Variants in ARHGAP44 observed in about 807,000 individuals in gnomAD.
ARHGAP44 encodes rho GTPase-activating protein 44.
In ARHGAP44, 43 loss-of-function variants were observed where a neutral mutation model predicts 106.8. That is an observed-to-expected ratio of 0.40 (90% CI 0.32 to 0.52). The LOEUF is 0.52. Ranked by LOEUF, ARHGAP44 falls within the 20% of genes least tolerant of loss-of-function variation. The pLI is 0.48. For missense variants in ARHGAP44, 866 were observed against 1,050.5 expected, an observed-to-expected ratio of 0.82 and a Z score of 2.43; for synonymous variants, 439 against 410.3, an observed-to-expected ratio of 1.07 and a Z score of -0.85.
chr17:12,837,812 G>A (rs1276359917), intron 1 of ARHGAP44, among the ~76,000 whole-genome samples: 3 of 152,096 alleles, frequency 2.0e-5, no homozygotes, highest in African/African-American at 7.2e-5. Flanking sequence ...CTGGGTAGGG[G>A]TGGGAAATGG....
At chr17:12,908,344 G>A (rs1388461870) in intron 3 of ARHGAP44, among the ~76,000 whole-genome samples, 1 of 151,834 alleles carries the variant, frequency 6.6e-6, no homozygotes, top group Non-Finnish European at 1.5e-5. Context: ...TTACAGGCAT[G>A]CACCACCACA....
At chr17:12,864,956 G>A (rs908375010) in intron 1 of ARHGAP44, among the ~76,000 whole-genome samples, 3 of 152,112 alleles carry the variant, frequency 2.0e-5, no homozygotes, top group Admixed American at 6.6e-5. Flanking sequence ...AAAAAGATAC[G>A]AAACTTGGAG....
intron 20 of ARHGAP44, 106 bp from the exon 21 acceptor site, chr17:12,989,926 A>G: frequency 7.4e-6 from 11 of 1,481,502 alleles, no homozygotes; most frequent in Non-Finnish European, 1.0e-5. Flanking sequence ...CTATCCCTAG[A>G]ATAGCAGCAC....
At chr17:12,861,109 C>T (rs1328011309) in intron 1 of ARHGAP44, among the ~76,000 whole-genome samples, 1 of 151,930 alleles carries the variant, frequency 6.6e-6, no homozygotes, top group Non-Finnish European at 1.5e-5. Flanking sequence ...GCCCACCTCG[C>T]CCTCCCAAAG....
chr17:12,852,202 G>T (rs2035767630), intron 1 of ARHGAP44, among the ~76,000 whole-genome samples: 1 of 137,178 alleles, frequency 7.3e-6, no homozygotes, highest in Non-Finnish European at 1.6e-5. Context: ...AAAACGATAG[G>T]GAGGGTGGTT....
chr17:12,918,069 T>A (rs974261543), intron 5 of ARHGAP44, among the ~76,000 whole-genome samples: 3 of 152,202 alleles, frequency 2.0e-5, no homozygotes, highest in Non-Finnish European at 4.4e-5. Context: ...TCTCCTCGCT[T>A]GGAGCATTCA....
intron 1 of ARHGAP44, among the ~76,000 whole-genome samples, chr17:12,883,263 T>C (rs1314345551): frequency 6.6e-6 from 1 of 151,688 alleles, no homozygotes. Flanking sequence ...TATTTCCTAT[T>C]ATTATTTACC....
At chr17:12,955,743 T>A (rs1448618459) in intron 13 of ARHGAP44, 124 bp from the exon 14 acceptor site, 2 of 616,762 alleles carry the variant, frequency 3.2e-6, no homozygotes, top group African/African-American at 3.7e-5. Flanking sequence ...GTTCATTACA[T>A]TGCAGGTGCA....
chr17:12,812,793 T>TA (rs2034476823), intron 1 of ARHGAP44, among the ~76,000 whole-genome samples: 1 of 152,234 alleles, frequency 6.6e-6, no homozygotes, highest in African/African-American at 2.4e-5. Flanking sequence ...CTGCATTTCT[T>TA]ACTGAATGCA....
At chr17:12,808,406 T>A (rs1208882317) in intron 1 of ARHGAP44, among the ~76,000 whole-genome samples, 1 of 152,254 alleles carries the variant, frequency 6.6e-6, no homozygotes, top group Non-Finnish European at 1.5e-5. Flanking sequence ...TGCAGCAGAC[T>A]TCTGCCTGGA....
At chr17:12,929,175 C>T (rs577803416) in intron 7 of ARHGAP44, 129 bp downstream of exon 7, 42 of 809,150 alleles carry the variant, frequency 5.2e-5, no homozygotes, top group Non-Finnish European at 8.0e-5. Flanking sequence ...TCCCCAAGCC[C>T]GCCGGCTAGC....
chr17:12,898,652 A>G (rs1167481000), intron 3 of ARHGAP44, among the ~76,000 whole-genome samples: 3 of 152,210 alleles, frequency 2.0e-5, no homozygotes, highest in African/African-American at 7.2e-5. Context: ...ACATAACCAT[A>G]TCACAGGCAG....
At chr17:12,979,813 AGG>A (rs2143401316) in intron 18 of ARHGAP44, among the ~76,000 whole-genome samples, 1 of 152,286 alleles carries the variant, frequency 6.6e-6, no homozygotes, top group African/African-American at 2.4e-5. Flanking sequence ...AGGCATGAAA[AGG>A]GCATTGGCAG....
rs1349521078 is a variant in ARHGAP44 at position 12,802,949 on chromosome 17, ATATATATATATATATATATATT to A, written c.53+13060_53+13081del. On this transcript the variant is annotated intron_variant, in intron 1 of 20. Transcript: ENST00000379672. ...AATTTATATATATATATATATATAT[ATATATATATATATATATATATT>A]TTTTTTTTTTTTTTTTTTTGAGGCA... Among the ~76,000 whole-genome samples the A allele has an allele frequency of 8.1e-4, 14 of 17,212 alleles. 1 individual carries two copies. The South Asian group carries it at 0.027, about 34-fold the overall frequency. 11.3% of individuals were successfully genotyped at this position (17,212 alleles called of 152,430 possible).
At chr17:12,926,541 A>T (rs1206515735) in intron 6 of ARHGAP44, among the ~76,000 whole-genome samples, 1 of 138,606 alleles carries the variant, frequency 7.2e-6, no homozygotes, top group Non-Finnish European at 1.6e-5. Flanking sequence ...ATACATATAT[A>T]TTATATATAT....
At chr17:12,814,800 C>T (rs551927175) in intron 1 of ARHGAP44, among the ~76,000 whole-genome samples, 135 of 152,262 alleles carry the variant, frequency 8.9e-4, no homozygotes, top group Non-Finnish European at 1.5e-3. Flanking sequence ...CTTCTTATCT[C>T]CTGCTCCCTC....
At chr17:12,920,868 G>A (rs1158042339) in intron 6 of ARHGAP44, among the ~76,000 whole-genome samples, 4 of 152,114 alleles carry the variant, frequency 2.6e-5, no homozygotes, top group African/African-American at 7.2e-5. Context: ...AGTAGCAGGC[G>A]GGTGCCAAAG....
At chr17:12,888,662 TATTA>T (rs1376069355) in intron 1 of ARHGAP44, among the ~76,000 whole-genome samples, 4 of 152,296 alleles carry the variant, frequency 2.6e-5, no homozygotes, top group Admixed American at 2.0e-4. Flanking sequence ...AATTTAGTTC[TATTA>T]ATTATTGAGA....
At chr17:12,895,217 C>G (rs11656058) in intron 2 of ARHGAP44, among the ~76,000 whole-genome samples, 67,341 of 151,696 alleles carry the variant, frequency 0.44, 17,376 homozygotes, top group Non-Finnish European at 0.57. Flanking sequence ...TAAAACTGCT[C>G]CAGCTGCTCC....
Sources: gnomAD v4.1 joint callset for allele counts (sites outside exome capture counted in the v4.1 genomes callset) on GRCh38, gnomAD v4.1.1 for gene constraint, MANE v1.5 for transcripts, NCBI Gene and HGNC (gene_info 2026-07-23, HGNC 2026-07-21) for gene names.